The following SAMD12 variants were observed in gnomAD, a reference collection of about 807,000 sequenced individuals.
SAMD12 encodes the protein sterile alpha motif domain containing 12.
SAMD12 carries 9 observed loss-of-function variants against 15.0 expected under a neutral mutation model. The observed-to-expected ratio is 0.60, with a 90% CI of 0.36 to 1.05. The LOEUF is 1.05. Among genes scored for constraint, SAMD12 ranks in the 50% least tolerant of loss-of-function variants. The pLI, the probability that SAMD12 is intolerant of heterozygous loss-of-function variation, is 0.01. For missense variants in SAMD12, 230 were observed against 234.2 expected, an observed-to-expected ratio of 0.98 and a Z score of 0.12; for synonymous variants, 86 against 90.1, an observed-to-expected ratio of 0.96 and a Z score of 0.25.
At chr8:118,515,010 T>C (rs1459899426) in intron 2 of SAMD12, among the ~76,000 whole-genome samples, 1 of 151,142 alleles carries the variant, frequency 6.6e-6, no homozygotes, top group African/African-American at 2.4e-5. Flanking sequence ...TTTTGTTTGT[T>C]TGTTTGTTTG....
the SAMD12 span, among the ~76,000 whole-genome samples, chr8:118,173,611 T>A: frequency 6.8e-6 from 1 of 146,666 alleles, no homozygotes; most frequent in Non-Finnish European, 1.5e-5. Flanking sequence ...TTTATTATAT[T>A]AAATTATATA....
chr8:118,487,594 G>A (rs749413525), intron 2 of SAMD12, among the ~76,000 whole-genome samples: 3 of 152,176 alleles, frequency 2.0e-5, no homozygotes, highest in Non-Finnish European at 2.9e-5. Context: ...CAGTTTTATT[G>A]AGCCTTTAAC....
intron 3 of SAMD12, among the ~76,000 whole-genome samples, chr8:118,428,675 C>T (rs576505666): frequency 6.6e-6 from 1 of 151,402 alleles, no homozygotes; most frequent in Admixed American, 6.6e-5. Flanking sequence ...TATTCCAGTA[C>T]CCTGTAGTGA....
intron 4 of SAMD12, among the ~76,000 whole-genome samples, chr8:118,286,625 A>C (rs1814037563): frequency 1.3e-5 from 2 of 152,182 alleles, no homozygotes; most frequent in African/African-American, 4.8e-5. Flanking sequence ...TTAGCTGGGA[A>C]GCCAGCGTGG....
chr8:118,337,683 C>T (rs542079519), intron 4 of SAMD12, among the ~76,000 whole-genome samples: 6 of 152,216 alleles, frequency 3.9e-5, no homozygotes, highest in African/African-American at 1.2e-4. Context: ...CCTTAGTCAC[C>T]GTCTTGCTTC....
intron 4 of SAMD12, among the ~76,000 whole-genome samples, chr8:118,282,521 G>T (rs1031123475): frequency 2.3e-4 from 35 of 152,136 alleles, no homozygotes; most frequent in Admixed American, 1.6e-3. Flanking sequence ...TAAGCTTCAA[G>T]AAATTGTTGA....
chr8:118,176,175 C>G, the SAMD12 span, among the ~76,000 whole-genome samples: 5 of 152,148 alleles, frequency 3.3e-5, no homozygotes, highest in Admixed American at 1.3e-4. Flanking sequence ...GTGGCATGCG[C>G]CTGTAGTCCC....
Position 118,424,682 on chromosome 8 carries a change from A to C in SAMD12, c.322+15150T>G, listed in dbSNP as rs149116584. 1.3e-3 allele frequency among the ~76,000 whole-genome samples: 192 copies of C among 152,338 alleles called. 2 individuals are homozygous for C. The highest frequency in any genetic ancestry group is 4.5e-3 in the African/African-American group (186 of 41,580). ...AAGGATCTTGGCCAAGATCTCTTGA[A>C]GATAGTTGTGTTTTACTGAAACAGT... On this transcript the variant is annotated intron_variant, in intron 3 of 3. Transcript: ENST00000314727.
At chr8:118,279,641 T>C (rs1242342342) in intron 4 of SAMD12, among the ~76,000 whole-genome samples, 1 of 152,258 alleles carries the variant, frequency 6.6e-6, no homozygotes, top group Non-Finnish European at 1.5e-5. Flanking sequence ...ATCGTGAATA[T>C]GCCCACCACT....
At chr8:118,357,379 A>G (rs1586592391) in intron 4 of SAMD12, among the ~76,000 whole-genome samples, 2 of 152,292 alleles carry the variant, frequency 1.3e-5, no homozygotes, top group South Asian at 4.1e-4. Flanking sequence ...CTGGGATTAC[A>G]GGTATGCACC....
At chr8:118,133,005 TA>T in the SAMD12 span, among the ~76,000 whole-genome samples, 2 of 109,706 alleles carry the variant, frequency 1.8e-5, no homozygotes, top group East Asian at 2.5e-4. Flanking sequence ...TATATATATA[TA>T]TATATATATA....
chr8:118,448,292 G>A (rs952553460), intron 2 of SAMD12, among the ~76,000 whole-genome samples: 6 of 152,036 alleles, frequency 3.9e-5, no homozygotes, highest in East Asian at 1.9e-4. Flanking sequence ...ACTCATTACC[G>A]TGCTCCACTA....
exon 5 of SAMD12, chr8:118,196,588 T>C (rs1819569591): frequency 6.6e-6 from 1 of 152,198 alleles, no homozygotes; most frequent in Non-Finnish European, 1.5e-5. Flanking sequence ...GAACCTAGTA[T>C]AGGACTTGAC....
chr8:118,418,046 TGCCCATCATCAACTTCA>T (rs1401660144), intron 3 of SAMD12, among the ~76,000 whole-genome samples: 1 of 152,226 alleles, frequency 6.6e-6, no homozygotes, highest in East Asian at 1.9e-4. Flanking sequence ...ATATTCTTTC[TGCCCATCATCAACTTCA>T]TCCCTATTCC....
chr8:118,379,530 C>A lies in SAMD12; in HGVS notation c.493G>T (p.Asp165Tyr). ...GTLLLPDGWMDGEIRRKTTLL... is the reference protein window; with the variant it reads ...GTLLLPDGWMYGEIRRKTTLL... ...GTGGTCTTTCTTCTAATCTCCCCAT[C>A]CATCCACCCATCAGGAAGCAATAGG... The change falls in exon 4 of 4, where the codon GAT becomes TAT. Residue 165 changes from aspartate (D) to tyrosine (Y), a missense_variant. Asp to Tyr is a radical substitution (Grantham distance 160, BLOSUM62 -3). Coordinates refer to ENST00000314727, the MANE Select transcript of SAMD12 (RefSeq NM_207506.3). 1 of 1,613,886 alleles carries A rather than the reference C, an allele frequency of 6.2e-7. No homozygotes were observed. The highest frequency in any genetic ancestry group is 1.1e-5 in the South Asian group (1 of 91,076).
chr8:118,537,019 T>C (rs1293216451), intron 2 of SAMD12, among the ~76,000 whole-genome samples: 1 of 152,230 alleles, frequency 6.6e-6, no homozygotes, highest in East Asian at 1.9e-4. Flanking sequence ...TATTTTGCCT[T>C]CATGTTGGAA....
chr8:118,233,762 G>A (rs1812363845), intron 4 of SAMD12, among the ~76,000 whole-genome samples: 1 of 152,154 alleles, frequency 6.6e-6, no homozygotes, highest in Non-Finnish European at 1.5e-5. Flanking sequence ...CTCCCAGTCT[G>A]GAGAACAGGA....
At chr8:118,589,868 C>T (rs1431173129) in intron 1 of SAMD12, among the ~76,000 whole-genome samples, 2 of 152,098 alleles carry the variant, frequency 1.3e-5, no homozygotes, top group African/African-American at 2.4e-5. Context: ...AAAGTAGTTC[C>T]TCTTGCATCC....
At chr8:118,384,909 T>C (rs557063940) in intron 3 of SAMD12, among the ~76,000 whole-genome samples, 9 of 152,156 alleles carry the variant, frequency 5.9e-5, no homozygotes, top group Non-Finnish European at 1.3e-4. Flanking sequence ...CTGTATTGTT[T>C]AGCCTTATTA....
Sources: allele counts gnomAD v4.1 joint callset (sites outside exome capture counted in the v4.1 genomes callset), GRCh38; gene constraint gnomAD v4.1.1; transcripts MANE v1.5; gene names NCBI Gene and HGNC (gene_info 2026-07-23, HGNC 2026-07-21).